The following PTPRN2 variants were observed in gnomAD, a reference collection of about 807,000 sequenced individuals.
The protein encoded by PTPRN2 is receptor-type tyrosine-protein phosphatase N2.
Under a neutral mutation model 118.8 loss-of-function variants are expected in PTPRN2, and 74 were observed. That is an observed-to-expected ratio of 0.62 (90% CI 0.52 to 0.76). The LOEUF is 0.76. Ranked by LOEUF, PTPRN2 falls within the 30% of genes least tolerant of loss-of-function variation. PTPRN2 has a pLI of 0.00. For missense variants in PTPRN2, 1,481 were observed against 1,394.4 expected (o/e 1.06, Z -0.99); for synonymous variants, 641 against 608.0 (o/e 1.05, Z -0.80).
At chr7:157,812,235 C>G (rs1357721193) in intron 12 of PTPRN2, among the ~76,000 whole-genome samples, 1 of 152,214 alleles carries the variant, frequency 6.6e-6, no homozygotes, top group Admixed American at 6.5e-5. Context: ...AGGGGCCGTC[C>G]TCCTCCCGTG....
rs151227700 is a variant in PTPRN2 at position 158,228,024 on chromosome 7, G to A, written c.278-22751C>T. ...CTTTACATGTATATCAAATAGAAATGGAACCTATACATTCAAGACATTAAA... is the reference window on the plus strand; with the variant it reads ...CTTTACATGTATATCAAATAGAAATAGAACCTATACATTCAAGACATTAAA... On this transcript the variant is annotated intron_variant, in intron 3 of 22. Coordinates refer to ENST00000389418, the MANE Select transcript of PTPRN2 (RefSeq NM_002847.5). 2.0e-3 allele frequency among the ~76,000 whole-genome samples: 300 copies of A among 152,214 alleles called. 1 individual carries two copies. Among genetic ancestry groups the A allele is most frequent in the African/African-American group, 6.7e-3 (279 of 41,556 alleles).
chr7:157,604,157 C>A (rs1007873058), intron 15 of PTPRN2, 82 bp from the exon 16 acceptor site: 3 of 1,258,102 alleles, frequency 2.4e-6, no homozygotes, highest in Non-Finnish European at 3.5e-6. Context: ...CAGGGCCCCC[C>A]ACCCAGCAGC....
At chr7:158,562,280 C>G (rs1304449657) in intron 1 of PTPRN2, among the ~76,000 whole-genome samples, 3 of 152,160 alleles carry the variant, frequency 2.0e-5, no homozygotes, top group African/African-American at 7.2e-5. Flanking sequence ...AGGAAGCTCT[C>G]TGGAGCTGCC....
intron 14 of PTPRN2, among the ~76,000 whole-genome samples, chr7:157,652,744 C>A (rs763892465): frequency 1.3e-5 from 2 of 152,254 alleles, no homozygotes; most frequent in African/African-American, 2.4e-5. Flanking sequence ...TGGATCCCCC[C>A]ATCGGGGCAG....
At chr7:157,563,090 G>A (rs35230192) in intron 21 of PTPRN2, among the ~76,000 whole-genome samples, 1 of 105,428 alleles carries the variant, frequency 9.5e-6, no homozygotes, top group Non-Finnish European at 1.8e-5. Context: ...GTGCTCCCAC[G>A]TCACCACACA....
At chr7:158,407,085 G>A (rs531585309) in intron 2 of PTPRN2, among the ~76,000 whole-genome samples, 13 of 151,994 alleles carry the variant, frequency 8.6e-5, no homozygotes, top group East Asian at 1.9e-4. Flanking sequence ...TGAGGAGGTC[G>A]GGCTGCAGAC....
intron 2 of PTPRN2, among the ~76,000 whole-genome samples, chr7:158,410,940 C>T (rs552255097): frequency 4.0e-5 from 6 of 149,976 alleles, no homozygotes; most frequent in South Asian, 2.1e-4. Context: ...TGGGAGGCCC[C>T]GGAGGGACAG....
At chr7:158,137,676 G>A (rs1340150591) in intron 7 of PTPRN2, among the ~76,000 whole-genome samples, 2 of 152,136 alleles carry the variant, frequency 1.3e-5, no homozygotes, top group Non-Finnish European at 2.9e-5. Context: ...TTCCAGCAAG[G>A]CCCCCTCTGC....
chr7:158,131,345 T>A (rs4909269), intron 9 of PTPRN2, among the ~76,000 whole-genome samples: 97,703 of 145,864 alleles, frequency 0.67, 33,515 homozygotes, highest in African/African-American at 0.83. Context: ...ACATGCACAT[T>A]TGCACAAACC....
At chr7:157,737,888 G>A (rs1800397000) in intron 12 of PTPRN2, among the ~76,000 whole-genome samples, 1 of 152,204 alleles carries the variant, frequency 6.6e-6, no homozygotes, top group South Asian at 2.1e-4. Context: ...GGGCGGGGGA[G>A]GAGGCTCCGA....
chr7:158,066,250 G>A (rs1299070362), intron 11 of PTPRN2, among the ~76,000 whole-genome samples: 1 of 152,192 alleles, frequency 6.6e-6, no homozygotes, highest in Non-Finnish European at 1.5e-5. Context: ...GCCTGGGATG[G>A]CACCTTCCAT....
intron 13 of PTPRN2, among the ~76,000 whole-genome samples, chr7:157,668,716 C>T (rs996076994): frequency 3.9e-5 from 6 of 152,068 alleles, no homozygotes; most frequent in East Asian, 1.9e-4. Flanking sequence ...GAATGTAAAA[C>T]GGTTAAGGAA....
chr7:157,654,534 G>A (rs1168311386), intron 14 of PTPRN2, among the ~76,000 whole-genome samples: 2 of 152,190 alleles, frequency 1.3e-5, no homozygotes, highest in African/African-American at 2.4e-5. Context: ...CCCTGCAGTT[G>A]TGGGCGGTGG....
At chr7:158,269,054 G>A (rs185475996) in intron 3 of PTPRN2, among the ~76,000 whole-genome samples, 94 of 152,298 alleles carry the variant, frequency 6.2e-4, no homozygotes, top group South Asian at 1.7e-3. Context: ...AGGACGTGGC[G>A]GCTGCTGCCC....
Position 157,595,147 on chromosome 7 carries a change from G to T in PTPRN2, c.2496+91C>A, listed in dbSNP as rs934758413. ...TTTGATGAGCATTTGTAAGAAGTTTGATTGGCCTAATCAGATTCAAGACAT... is the reference window on the plus strand; with the variant it reads ...TTTGATGAGCATTTGTAAGAAGTTTTATTGGCCTAATCAGATTCAAGACAT... On this transcript the variant is annotated intron_variant, in intron 17 of 22. Coordinates refer to ENST00000389418, the MANE Select transcript of PTPRN2 (RefSeq NM_002847.5). The T allele has an allele frequency of 8.4e-6, 10 of 1,187,202 alleles. No individual in the cohort carries two copies. The African/African-American group carries it at 1.4e-4, about 16-fold the overall frequency. The allele number at this position is 1,187,202 out of a possible 1,614,324, so 73.5% of individuals were successfully genotyped here.
intron 10 of PTPRN2, among the ~76,000 whole-genome samples, chr7:158,087,329 G>T (rs1813503535): frequency 6.6e-6 from 1 of 152,246 alleles, no homozygotes; most frequent in African/African-American, 2.4e-5. Flanking sequence ...ACCGTGCAGT[G>T]AAGATCTCAT....
At chr7:158,333,347 A>G (rs1340565947) in intron 2 of PTPRN2, among the ~76,000 whole-genome samples, 1 of 141,444 alleles carries the variant, frequency 7.1e-6, no homozygotes, top group Non-Finnish European at 1.5e-5. Flanking sequence ...AAGAGGTGAC[A>G]CCTGCAGACG....
intron 3 of PTPRN2, among the ~76,000 whole-genome samples, chr7:158,248,506 GAACAA>G (rs756166326): frequency 4.9e-5 from 7 of 142,038 alleles, no homozygotes; most frequent in East Asian, 2.1e-4. Context: ...GTGTAGGACT[GAACAA>G]AACAAAACAC....
intron 2 of PTPRN2, among the ~76,000 whole-genome samples, chr7:158,459,402 C>CACT (rs1818792945): frequency 2.7e-5 from 3 of 110,110 alleles, no homozygotes; most frequent in Non-Finnish European, 3.9e-5. Flanking sequence ...CCAGAGCCCT[C>CACT]GCCTGGGACG....
Sources: allele counts gnomAD v4.1 joint callset (sites outside exome capture counted in the v4.1 genomes callset), GRCh38; gene constraint gnomAD v4.1.1; transcripts MANE v1.5; gene names NCBI Gene and HGNC (gene_info 2026-07-23, HGNC 2026-07-21).